The following WWOX variants were observed in gnomAD, a reference collection of about 807,000 sequenced individuals.
WWOX encodes WW domain containing oxidoreductase, also known as WW domain-containing oxidoreductase.
Under a neutral mutation model 46.2 loss-of-function variants are expected in WWOX, and 69 were observed. The ratio of observed to expected loss-of-function variants is 1.49; its 90% CI spans 1.23 to 1.82. The LOEUF (loss-of-function observed/expected upper bound fraction) is 1.82, where lower values mean the gene tolerates loss of function less well. Ranked by LOEUF, WWOX falls within the 40% of genes most tolerant of loss-of-function variation. The pLI, the probability that WWOX is intolerant of heterozygous loss-of-function variation, is 0.00. For missense variants in WWOX, 919 were observed against 542.6 expected (o/e 1.69, Z -6.89); for synonymous variants, 359 against 202.6 (o/e 1.77, Z -6.56).
In WWOX at chr16:78,344,398, A is replaced by G. The variant is rs370370743; in HGVS notation, c.517-42462A>G. On this transcript the variant is annotated intron_variant, in intron 5 of 8. Coordinates refer to ENST00000566780, the MANE Select transcript of WWOX (RefSeq NM_016373.4). ...ATAGGCCATATAAATCTAGCTCCCA[A>G]TGTCCATTTTCAAATGATTTCCAGC... 6.6e-5 allele frequency among the ~76,000 whole-genome samples: 8 copies of G among 121,168 alleles called. 1 individual carries two copies. The highest frequency in any genetic ancestry group is 1.9e-4 in the East Asian group (1 of 5,172). The allele number at this position is 121,168 out of a possible 152,430, so 79.5% of individuals were successfully genotyped here. A position where few individuals can be genotyped will look rare whatever the true frequency, so the allele number is the denominator to read the frequency against.
chr16:78,763,805 G>A (rs2049855378), intron 8 of WWOX, among the ~76,000 whole-genome samples: 1 of 152,158 alleles, frequency 6.6e-6, no homozygotes. Flanking sequence ...AGACCTAGCC[G>A]AAGCATAATT....
intron 8 of WWOX, among the ~76,000 whole-genome samples, chr16:78,752,276 A>T (rs2049501206): frequency 6.6e-6 from 1 of 152,312 alleles, no homozygotes; most frequent in South Asian, 2.1e-4. Flanking sequence ...AGGTTAAAAC[A>T]AAGATATTCT....
chr16:78,644,025 C>G (rs1239654417), intron 8 of WWOX, among the ~76,000 whole-genome samples: 2 of 152,038 alleles, frequency 1.3e-5, no homozygotes, highest in South Asian at 2.1e-4. Flanking sequence ...GAGTTTGAGA[C>G]CAGCCTGACC....
intron 8 of WWOX, among the ~76,000 whole-genome samples, chr16:78,546,347 A>G (rs948296518): frequency 1.3e-5 from 2 of 152,110 alleles, no homozygotes; most frequent in Admixed American, 6.5e-5. Flanking sequence ...GTGTGATCAG[A>G]ACTTTAAGGC....
chr16:79,146,328 T>C (rs985608341), intron 8 of WWOX, among the ~76,000 whole-genome samples: 1 of 152,194 alleles, frequency 6.6e-6, no homozygotes, highest in Non-Finnish European at 1.5e-5. Flanking sequence ...CCTTCTTTGA[T>C]GCCCCGTCTT....
chr16:78,432,725 CT>C lies in WWOX; in HGVS notation c.1031del (p.Leu344TrpfsTer61). The C allele has an allele frequency of 6.2e-7, 1 of 1,614,164 alleles. No individual in the cohort carries two copies. Among genetic ancestry groups the C allele is most frequent in the Non-Finnish European group, 8.5e-7 (1 of 1,180,038 alleles). On this transcript the variant is annotated frameshift_variant, in exon 8 of 9. Transcript: ENST00000566780. LOFTEE classifies it high-confidence loss of function. ...SWWVYTLLFTLARPFTKSMQQ... is the reference protein window; with the variant it reads ...SWWVYTLLFTXARPFTKSMQQ... ...GGTGGGTGTACACACTGCTGTTTAC[CT>C]TGGCGAGGCCTTTCACCAAGTCCAT...
At chr16:78,269,655 C>T (rs892245496) in intron 5 of WWOX, among the ~76,000 whole-genome samples, 1 of 152,276 alleles carries the variant, frequency 6.6e-6, no homozygotes, top group East Asian at 1.9e-4. Flanking sequence ...CTAATGGAAG[C>T]CTTTTGAATC....
intron 8 of WWOX, among the ~76,000 whole-genome samples, chr16:78,972,875 G>A (rs1001075911): frequency 1.3e-5 from 2 of 152,114 alleles, no homozygotes; most frequent in Non-Finnish European, 1.5e-5. Flanking sequence ...ACGTCTCCCC[G>A]CCTTGTAAGG....
chr16:78,665,758 C>T (rs2047315683), intron 8 of WWOX, among the ~76,000 whole-genome samples: 1 of 152,144 alleles, frequency 6.6e-6, no homozygotes, highest in Non-Finnish European at 1.5e-5. Flanking sequence ...CATCTCAGCT[C>T]ACTGCAACCT....
In WWOX at chr16:78,337,855, G is replaced by A. The variant is rs1166685630; in HGVS notation, c.517-49005G>A. Among the ~76,000 whole-genome samples the A allele has an allele frequency of 8.0e-5, 8 of 100,334 alleles. 1 individual carries two copies. Among genetic ancestry groups the A allele is most frequent in the African/African-American group, 1.9e-4 (6 of 31,114 alleles). 65.8% of individuals were successfully genotyped at this position (100,334 alleles called of 152,430 possible). Reference sequence around the variant, plus strand: ...TTCCACCATGAAGAAGTGGAGAGCCGTGTGACCTCAGTGGTAGAGCTGATG... The same window carrying A: ...TTCCACCATGAAGAAGTGGAGAGCCATGTGACCTCAGTGGTAGAGCTGATG... On this transcript the variant is annotated intron_variant, in intron 5 of 8. Coordinates refer to ENST00000566780, the MANE Select transcript of WWOX (RefSeq NM_016373.4).
intron 8 of WWOX, among the ~76,000 whole-genome samples, chr16:78,728,531 C>T (rs953213045): frequency 5.3e-5 from 8 of 152,144 alleles, no homozygotes; most frequent in African/African-American, 1.9e-4. Flanking sequence ...GGCATGTGGC[C>T]TCTGAAAAAC....
chr16:78,174,824 C>G (rs1219251557), intron 5 of WWOX, among the ~76,000 whole-genome samples: 3 of 151,998 alleles, frequency 2.0e-5, no homozygotes, highest in Non-Finnish European at 4.4e-5. Flanking sequence ...CCCGTCTCTA[C>G]TGAAAATACA....
At chr16:78,619,178 TATATA>T (rs2046112503) in intron 8 of WWOX, among the ~76,000 whole-genome samples, 1 of 10,010 alleles carries the variant, frequency 1.0e-4, no homozygotes, top group Non-Finnish European at 1.8e-4. Flanking sequence ...TATATATATA[TATATA>T]TATATATATA....
intron 8 of WWOX, among the ~76,000 whole-genome samples, chr16:79,178,959 G>A (rs2050856443): frequency 6.6e-6 from 1 of 152,172 alleles, no homozygotes; most frequent in Non-Finnish European, 1.5e-5. Flanking sequence ...GACCTTCTAG[G>A]GAAATGTGAG....
chr16:78,311,785 C>T (rs2080249644), intron 5 of WWOX, among the ~76,000 whole-genome samples: 1 of 100,090 alleles, frequency 1.0e-5, no homozygotes, highest in East Asian at 8.6e-4. Flanking sequence ...TAAAAAGCAG[C>T]CTGGCGGGGG....
chr16:78,854,195 C>T (rs548052934), intron 8 of WWOX, among the ~76,000 whole-genome samples: 6 of 152,068 alleles, frequency 3.9e-5, no homozygotes, highest in Non-Finnish European at 8.8e-5. Flanking sequence ...ATTGTTCTTT[C>T]TACTCTAACT....
intron 8 of WWOX, among the ~76,000 whole-genome samples, chr16:79,175,005 C>G (rs1015704262): frequency 6.6e-6 from 1 of 152,302 alleles, no homozygotes; most frequent in Admixed American, 6.5e-5. Context: ...TCTCCCTCAG[C>G]ATACCGTGTC....
intron 8 of WWOX, among the ~76,000 whole-genome samples, chr16:78,790,422 A>C (rs1435194141): frequency 2.6e-5 from 4 of 152,186 alleles, no homozygotes; most frequent in Non-Finnish European, 2.9e-5. Context: ...GGTGTGAGCC[A>C]CCGTGCCCAG....
chr16:78,734,295 C>A (rs1454762275), intron 8 of WWOX, among the ~76,000 whole-genome samples: 1 of 151,932 alleles, frequency 6.6e-6, no homozygotes, highest in Non-Finnish European at 1.5e-5. Context: ...ATTTTTCCCC[C>A]ACATGCATCT....
Sources: gnomAD v4.1 joint callset for allele counts (sites outside exome capture counted in the v4.1 genomes callset) on GRCh38, gnomAD v4.1.1 for gene constraint, MANE v1.5 for transcripts, NCBI Gene and HGNC (gene_info 2026-07-23, HGNC 2026-07-21) for gene names.